Variants in STAB1 observed in about 807,000 individuals in gnomAD.
STAB1 encodes the protein stabilin-1.
Under a neutral mutation model 332.4 loss-of-function variants are expected in STAB1, and 250 were observed. The observed-to-expected ratio is 0.75, with a 90% confidence interval of 0.68 to 0.84. The LOEUF (loss-of-function observed/expected upper bound fraction) is 0.84. Among genes scored for constraint, STAB1 ranks in the 40% least tolerant of loss-of-function variants. The probability of loss-of-function intolerance (pLI) is 0.00; values close to 1 mark genes in which losing one functional copy is unlikely to be tolerated. For missense variants in STAB1, 3,249 were observed against 3,489.7 expected, an observed-to-expected ratio of 0.93 and a Z score of 1.74; for synonymous variants, 1,475 against 1,390.4, an observed-to-expected ratio of 1.06 and a Z score of -1.35.
intron 45 of STAB1, 153 bp from the exon 46 acceptor site, chr3:52,518,159 G>C: frequency 6.7e-7 from 1 of 1,490,126 alleles, no homozygotes. Flanking sequence ...CCCCAGCTAT[G>C]ACCCATGAAA....
At chr3:52,496,242 T>C (rs1708014732) in intron 1 of STAB1, among the ~76,000 whole-genome samples, 1 of 152,224 alleles carries the variant, frequency 6.6e-6, no homozygotes, top group Non-Finnish European at 1.5e-5. Context: ...TGTGACAGGC[T>C]CCTGGCTGCA....
In STAB1 at chr3:52,509,238, C is replaced by A. The variant is rs1318764805; in HGVS notation, c.2264C>A (p.Ala755Asp). Residue 755 changes from alanine (A) to aspartate (D), a missense_variant, in exon 22 of 69, where the codon GCC (alanine) becomes GAC (aspartate). By Grantham distance (126) the Ala-to-Asp change is moderately radical. Coordinates refer to ENST00000321725, the MANE Select transcript of STAB1 (RefSeq NM_015136.3). ...AGTGATGGGATCCAGGGCAATGGGG[C>A]CTGCCTCTGCTTCCCAGACTACAAG... ...NCSDGIQGNGACLCFPDYKGI... is the reference protein window; with the variant it reads ...NCSDGIQGNGDCLCFPDYKGI... 6.2e-7 allele frequency: 1 copy of A among 1,613,600 alleles called. No homozygotes were observed. The highest frequency in any genetic ancestry group is 2.2e-5 in the East Asian group (1 of 44,886).
At chr3:52,517,461 G>T in intron 43 of STAB1, 68 bp downstream of exon 43, 3 of 1,579,264 alleles carry the variant, frequency 1.9e-6, no homozygotes, top group Non-Finnish European at 2.6e-6. Flanking sequence ...TCCCTTCAGG[G>T]CAGGCCCGGG....
Position 52,502,669 on chromosome 3 carries a change from A to G in STAB1, c.525A>G (p.Pro175=). Residue 175 remains proline, a synonymous_variant, in exon 6 of 69, where the codon CCA becomes CCG. Transcript: ENST00000321725. ...TGCACGGAGTGTGCAACCATGGGCC[A>G]CGTGGGGATGGAAGCTGCCTGTGCT... The part of the protein sequence containing the change: ...SCVHGVCNHG[P]RGDGSCLCFA... 3.1e-6 allele frequency: 5 copies of G among 1,613,850 alleles called. No individual in the cohort carries two copies. Among genetic ancestry groups the G allele is most frequent in the Admixed American group, 1.7e-5 (1 of 60,016 alleles).
In STAB1 at chr3:52,524,156, C is replaced by A; in HGVS notation, c.7599C>A (p.Thr2533=). ...CGTGGCAAGAAGGGACCAACCCCACCCTGGTCTCTGTCCCCAACCCTGTCT... is the reference window on the plus strand; with the variant it reads ...CGTGGCAAGAAGGGACCAACCCCACACTGGTCTCTGTCCCCAACCCTGTCT... The part of the protein sequence containing the change: ...FSPWQEGTNP[T]LVSVPNPVFG... The change falls in exon 68 of 69, where the codon ACC becomes ACA. Residue 2533 remains threonine, a synonymous_variant. Coordinates refer to ENST00000321725, the MANE Select transcript of STAB1 (RefSeq NM_015136.3). The A allele has an allele frequency of 1.2e-6, 2 of 1,614,064 alleles. No homozygotes were observed. The highest frequency in any genetic ancestry group is 1.7e-6 in the Non-Finnish European group (2 of 1,180,040).
At chr3:52,511,845 C>G in intron 26 of STAB1, 100 bp downstream of exon 26, 3 of 930,640 alleles carry the variant, frequency 3.2e-6, no homozygotes, top group Non-Finnish European at 4.7e-6. Flanking sequence ...TCTCTCTGTA[C>G]CCCCTCAGGA....
intron 22 of STAB1, 146 bp from the exon 23 acceptor site, chr3:52,509,724 G>A: frequency 1.3e-6 from 1 of 787,520 alleles, no homozygotes; most frequent in Non-Finnish European, 2.0e-6. Context: ...CCTGCCCATT[G>A]AGTCTGAGAT....
At chr3:52,499,617 C>CA (rs760456081) in intron 1 of STAB1, among the ~76,000 whole-genome samples, 3 of 152,042 alleles carry the variant, frequency 2.0e-5, no homozygotes, top group Non-Finnish European at 2.9e-5. Context: ...ACAAACTGGC[C>CA]GGCCGGGCGC....
At chr3:52,507,475 C>A in intron 18 of STAB1, 138 bp from the exon 19 acceptor site, 1 of 908,358 alleles carries the variant, frequency 1.1e-6, no homozygotes, top group Non-Finnish European at 1.7e-6. Flanking sequence ...CTCTCCTCTG[C>A]CTGGAATGCC....
chr3:52,512,771 T>A (rs562289885), intron 28 of STAB1, 57 bp from the exon 29 acceptor site: 1 of 1,605,724 alleles, frequency 6.2e-7, no homozygotes, highest in Admixed American at 1.7e-5. Flanking sequence ...GCAGGGGATC[T>A]GAAGATGATG....
intron 1 of STAB1, among the ~76,000 whole-genome samples, chr3:52,497,747 A>G (rs547707192): frequency 5.7e-4 from 87 of 152,236 alleles, no homozygotes; most frequent in African/African-American, 2.0e-3. Flanking sequence ...TTGAGCATCC[A>G]CAGATTTTGG....
chr3:52,499,700 C>A (rs1322688277), intron 1 of STAB1, among the ~76,000 whole-genome samples: 1 of 150,366 alleles, frequency 6.7e-6, no homozygotes, highest in African/African-American at 2.4e-5. Context: ...GAGATCGAGA[C>A]CAACCCCGCT....
At position 52,523,520 on chromosome 3, in the gene STAB1, G is replaced by A. The variant is rs2079152575; in HGVS notation, c.7234G>A (p.Gly2412Ser). The A allele has an allele frequency of 6.2e-7, 1 of 1,612,900 alleles. No individual in the cohort carries two copies. Among genetic ancestry groups the A allele is most frequent in the Non-Finnish European group, 8.5e-7 (1 of 1,179,982 alleles). The change falls in exon 65 of 69, where the codon GGC becomes AGC. Residue 2412 changes from glycine (G) to serine (S), a missense_variant. Coordinates refer to ENST00000321725, the MANE Select transcript of STAB1 (RefSeq NM_015136.3). ...SQGKLLPAHS[G>S]LSLIISDAGP... ...GGGGAAGTTGCTTCCGGCCCACTCA[G>A]GCCTCAGCCTCATCATCAGTGACGC... is the stretch of plus-strand genomic sequence containing the variant.
At chr3:52,516,475 G>A in intron 39 of STAB1, 24 bp downstream of exon 39, 1 of 1,613,546 alleles carries the variant, frequency 6.2e-7, no homozygotes, top group South Asian at 1.1e-5. Context: ...AATGGGGAGG[G>A]GGCAGGTGGC....
rs1203031583 is a variant in STAB1, at chr3:52,499,970, G to A, written c.79-1196G>A. Among the ~76,000 whole-genome samples the A allele has an allele frequency of 4.6e-5, 7 of 151,456 alleles. No homozygotes were observed. In the East Asian group the frequency reaches 1.4e-3, roughly 29 times the overall value. ...TGCCTGTAGTCCCAGCTACTCGGGA[G>A]GCTGAGGCAGGAGGATCGCCTGAGC... On this transcript the variant is annotated intron_variant, in intron 1 of 68. Transcript: ENST00000321725.
Position 52,517,040 on chromosome 3 carries a change from A to G in STAB1, c.4420A>G (p.Lys1474Glu). The G allele has an allele frequency of 1.2e-6, 2 of 1,606,020 alleles. No individual in the cohort carries two copies. The highest frequency in any genetic ancestry group is 1.7e-6 in the Non-Finnish European group (2 of 1,176,472). The part of the protein sequence containing the change: ...GGCSPHANCT[K>E]VAPGQRTCTC... ...CTGCTCCCCTCATGCCAACTGTACC[A>G]AGGTGGCACCTGGGCAGCGGACATG... The change falls in exon 42 of 69, where the codon AAG becomes GAG. Residue 1474 changes from lysine (K) to glutamate (E), a missense_variant. By Grantham distance (56) the Lys-to-Glu change is moderately conservative. Transcript: ENST00000321725.
chr3:52,509,145 G>GTTGGGAGAGGGGATGTA (rs1709101968), intron 21 of STAB1, 65 bp from the exon 22 acceptor site: 1 of 1,445,846 alleles, frequency 6.9e-7, no homozygotes, highest in Admixed American at 1.8e-5. Flanking sequence ...AGGAGGGGGT[G>GTTGGGAGAGGGGATGTA]TTGGGAGAGG....
Position 52,505,001 on chromosome 3 carries a change from A to G in STAB1, c.1378-2A>G. The G allele has an allele frequency of 6.2e-7, 1 of 1,613,746 alleles. No individual in the cohort carries two copies. The highest frequency in any genetic ancestry group is 8.5e-7 in the Non-Finnish European group (1 of 1,179,966). Reference sequence around the variant, plus strand: ...CTGGCCAGACCTCTTGTGTCTCACCAGAAATACTCCTACAAGTACAAAGAC... The same window carrying G: ...CTGGCCAGACCTCTTGTGTCTCACCGGAAATACTCCTACAAGTACAAAGAC... On this transcript the variant is annotated splice_acceptor_variant, in intron 12 of 68. Coordinates refer to ENST00000321725, the MANE Select transcript of STAB1 (RefSeq NM_015136.3). LOFTEE classifies it high-confidence loss of function.
Position 52,521,056 on chromosome 3 carries a change from A to G in STAB1, c.5908+51A>G, listed in dbSNP as rs779624815. The G allele has an allele frequency of 1.2e-5, 18 of 1,479,942 alleles. 2 individuals are homozygous for G. In the Admixed American group the frequency reaches 2.3e-4, roughly 19 times the overall value. 91.7% of individuals were successfully genotyped at this position (1,479,942 alleles called of 1,614,324 possible). A position where few individuals can be genotyped will look rare whatever the true frequency, so the allele number is the denominator to read the frequency against. ...AGCTCCTCTGTTCCCCAAGAGAGCC[A>G]AGGCACAGCTCTGGCCATTGTCCTT... is the stretch of plus-strand genomic sequence containing the variant. On this transcript the variant is annotated intron_variant, in intron 55 of 68. Transcript: ENST00000321725.
Sources: gnomAD v4.1 joint callset for allele counts (sites outside exome capture counted in the v4.1 genomes callset) on GRCh38, gnomAD v4.1.1 for gene constraint, MANE v1.5 for transcripts, NCBI Gene and HGNC (gene_info 2026-07-23, HGNC 2026-07-21) for gene names.